Variants in CENPW observed in about 807,000 individuals in gnomAD.
CENPW encodes cancer-up-regulated gene 2 protein.
Under a neutral mutation model 11.1 loss-of-function variants are expected in CENPW, and 3 were observed. The observed-to-expected ratio is 0.27, with a 90% CI of 0.12 to 0.70. CENPW has a LOEUF of 0.70. Among genes scored for constraint, CENPW ranks in the 30% least tolerant of loss-of-function variants. The probability of loss-of-function intolerance (pLI) is 0.77; values close to 1 mark genes in which losing one functional copy is unlikely to be tolerated. For missense variants in CENPW, 100 were observed against 105.6 expected (o/e 0.95, Z 0.23); for synonymous variants, 38 against 42.0 (o/e 0.91, Z 0.37).
At chr6:126,376,986 A>G in the CENPW span, among the ~76,000 whole-genome samples, 1 of 152,178 alleles carries the variant, frequency 6.6e-6, no homozygotes, top group Non-Finnish European at 1.5e-5. Context: ...GTGATATTCA[A>G]CTTTTCCAGC....
At chr6:126,444,756 C>T in the CENPW span, among the ~76,000 whole-genome samples, 1 of 151,042 alleles carries the variant, frequency 6.6e-6, no homozygotes, top group East Asian at 2.0e-4. Context: ...TGAATATTAT[C>T]CTTTTTCCTT....
chr6:126,350,898 G>GA (rs541388781), downstream of CENPW, among the ~76,000 whole-genome samples: 18 of 150,862 alleles, frequency 1.2e-4, no homozygotes, highest in Non-Finnish European at 1.9e-4. Context: ...ATGTAAATTT[G>GA]AAAAAAAACA....
At chr6:126,355,882 A>G in the CENPW span, among the ~76,000 whole-genome samples, 53 of 152,306 alleles carry the variant, frequency 3.5e-4, 1 homozygote, top group African/African-American at 1.1e-3. Context: ...TATTCACAAA[A>G]TAAGAGCTGG....
chr6:126,431,071 C>G, the CENPW span, among the ~76,000 whole-genome samples: 1 of 152,142 alleles, frequency 6.6e-6, no homozygotes, highest in Admixed American at 6.5e-5. Context: ...CATAGTCAAG[C>G]CAGGTGAAAT....
chr6:126,385,163 G>T, the CENPW span, among the ~76,000 whole-genome samples: 1 of 152,134 alleles, frequency 6.6e-6, no homozygotes, highest in Admixed American at 6.6e-5. Flanking sequence ...TGATGGGAAT[G>T]TAAATTAGTT....
chr6:126,415,942 C>G, the CENPW span, among the ~76,000 whole-genome samples: 4 of 152,090 alleles, frequency 2.6e-5, no homozygotes, highest in African/African-American at 9.7e-5. Context: ...GAAAAGATAC[C>G]TGAAAATGTG....
chr6:126,437,502 C>A, the CENPW span, among the ~76,000 whole-genome samples: 1 of 151,992 alleles, frequency 6.6e-6, no homozygotes, highest in East Asian at 1.9e-4. Context: ...AATGTTATAA[C>A]CTCAGTTTGA....
chr6:126,408,395 C>G, the CENPW span, among the ~76,000 whole-genome samples: 1 of 152,082 alleles, frequency 6.6e-6, no homozygotes, highest in South Asian at 2.1e-4. Context: ...GGGGAACTCC[C>G]CTTTATAAAA....
chr6:126,377,185 C>G, the CENPW span, among the ~76,000 whole-genome samples: 79 of 152,166 alleles, frequency 5.2e-4, no homozygotes, highest in African/African-American at 1.8e-3. Context: ...CAAATTTATA[C>G]TTCTATTTTT....
At chr6:126,442,929 T>G in the CENPW span, among the ~76,000 whole-genome samples, 1 of 151,268 alleles carries the variant, frequency 6.6e-6, no homozygotes, top group African/African-American at 2.4e-5. Flanking sequence ...TCTTTATTTT[T>G]ATACATAGAA....
chr6:126,470,844 T>A, the CENPW span, among the ~76,000 whole-genome samples: 1 of 152,374 alleles, frequency 6.6e-6, no homozygotes, highest in South Asian at 2.1e-4. Flanking sequence ...GCACAGGGCC[T>A]GTGGCCCCTT....
chr6:126,415,552 TA>T, the CENPW span, among the ~76,000 whole-genome samples: 2 of 152,082 alleles, frequency 1.3e-5, no homozygotes, highest in Admixed American at 1.3e-4. Context: ...AATTCAAACA[TA>T]AGTGATATGG....
chr6:126,440,263 T>C, the CENPW span, among the ~76,000 whole-genome samples: 2 of 151,712 alleles, frequency 1.3e-5, no homozygotes, highest in East Asian at 3.9e-4. Context: ...CAATATATAG[T>C]TTGTATAATT....
the CENPW span, among the ~76,000 whole-genome samples, chr6:126,357,183 A>T: frequency 1.7e-5 from 2 of 114,734 alleles, no homozygotes; most frequent in African/African-American, 5.4e-5. Flanking sequence ...CCATTTATTG[A>T]ATGGGGGTGC....
the CENPW span, among the ~76,000 whole-genome samples, chr6:126,361,936 C>T: frequency 1.3e-5 from 2 of 152,158 alleles, no homozygotes; most frequent in Non-Finnish European, 2.9e-5. Context: ...CTGGCAGGCT[C>T]GGAGGGCCAG....
the CENPW span, among the ~76,000 whole-genome samples, chr6:126,428,851 A>G: frequency 1.5e-4 from 23 of 152,332 alleles, no homozygotes; most frequent in African/African-American, 4.3e-4. Context: ...TAGAAAATGC[A>G]GATGAACATA....
chr6:126,398,108 C>T, the CENPW span, among the ~76,000 whole-genome samples: 1 of 152,184 alleles, frequency 6.6e-6, no homozygotes, highest in Non-Finnish European at 1.5e-5. Flanking sequence ...GACATAACTA[C>T]CAATAGCACC....
the CENPW span, among the ~76,000 whole-genome samples, chr6:126,482,281 C>T: frequency 6.6e-6 from 1 of 151,918 alleles, no homozygotes; most frequent in African/African-American, 2.4e-5. Flanking sequence ...TAAGTGCTTT[C>T]CAGCAAGTAC....
chr6:126,353,332 A>G (rs1454562798), downstream of CENPW, among the ~76,000 whole-genome samples: 1 of 149,598 alleles, frequency 6.7e-6, no homozygotes, highest in Non-Finnish European at 1.5e-5. Flanking sequence ...AGAATATTTC[A>G]CTTTAAACTT....
Sources: gnomAD v4.1 joint callset for allele counts (sites outside exome capture counted in the v4.1 genomes callset) on GRCh38, gnomAD v4.1.1 for gene constraint, MANE v1.5 for transcripts, NCBI Gene and HGNC (gene_info 2026-07-23, HGNC 2026-07-21) for gene names.